Variants in LSM3 observed in about 807,000 individuals in gnomAD.
The protein encoded by LSM3 is U6 snRNA-associated Sm-like protein LSm3.
A neutral mutation model predicts 15.4 loss-of-function variants in LSM3; 14 were observed. The observed-to-expected ratio is 0.91, with a 90% confidence interval of 0.60 to 1.42. The LOEUF is 1.42. Among genes scored for constraint, LSM3 ranks in the 40% most tolerant of loss-of-function variants. LSM3 has a pLI of 0.00. For missense variants in LSM3, 88 were observed against 127.9 expected, an observed-to-expected ratio of 0.69 and a Z score of 1.50; for synonymous variants, 46 against 45.1, an observed-to-expected ratio of 1.02 and a Z score of -0.08.
intron 3 of LSM3, among the ~76,000 whole-genome samples, chr3:14,192,152 G>C (rs942432729): frequency 6.6e-6 from 1 of 152,176 alleles, no homozygotes; most frequent in Non-Finnish European, 1.5e-5. Flanking sequence ...GAGACAGTTT[G>C]TTATGATTTC....
Position 14,197,133 on chromosome 3 carries a change from T to C in LSM3, c.229-903T>C, listed in dbSNP as rs1184688947. Among the ~76,000 whole-genome samples, 13 of 152,368 alleles carry C rather than the reference T, an allele frequency of 8.5e-5. No homozygotes were observed. The East Asian group carries it at 2.1e-3, about 25-fold the overall frequency. On this transcript the variant is annotated intron_variant, in intron 3 of 3. Transcript: ENST00000306024. ...TTCTCAAAGCCTTTTTTCATACTTATTTCTGTAACTTGGGGTCTAAAAGCC... is the reference window on the plus strand; with the variant it reads ...TTCTCAAAGCCTTTTTTCATACTTACTTCTGTAACTTGGGGTCTAAAAGCC...
intron 1 of LSM3, among the ~76,000 whole-genome samples, chr3:14,180,821 CTTTTTTTTTTTTTTT>C (rs1164090236): frequency 4.5e-4 from 21 of 46,748 alleles, no homozygotes; most frequent in East Asian, 3.3e-3. Context: ...GCTTGCTTGC[CTTTTTTTTTTTTTTT>C]TTTTTTTTTT....
intron 1 of LSM3, 55 bp from the exon 2 acceptor site, chr3:14,181,505 T>C: frequency 8.8e-7 from 1 of 1,140,032 alleles, no homozygotes; most frequent in Non-Finnish European, 1.3e-6. Flanking sequence ...ATAGCAGTGA[T>C]TTAAGCACTA....
At chr3:14,180,179 T>G (rs1485237474) in intron 1 of LSM3, among the ~76,000 whole-genome samples, 1 of 152,166 alleles carries the variant, frequency 6.6e-6, no homozygotes, top group Admixed American at 6.5e-5. Flanking sequence ...AACCATCCCT[T>G]CCATGTGGGT....
chr3:14,197,071 T>G (rs1697193489), intron 3 of LSM3, among the ~76,000 whole-genome samples: 1 of 152,260 alleles, frequency 6.6e-6, no homozygotes, highest in Non-Finnish European at 1.5e-5. Context: ...GCCTCAGGGC[T>G]GAGTTTGTTT....
At chr3:14,184,736 G>A (rs1189825739) in intron 3 of LSM3, among the ~76,000 whole-genome samples, 5 of 146,786 alleles carry the variant, frequency 3.4e-5, no homozygotes, top group East Asian at 4.0e-4. Context: ...CAGCCTGGGC[G>A]ACAGAGCGAG....
chr3:14,185,485 T>C (rs1190957801), intron 3 of LSM3, among the ~76,000 whole-genome samples: 1 of 152,256 alleles, frequency 6.6e-6, no homozygotes, highest in East Asian at 1.9e-4. Context: ...CAAATCTCTT[T>C]AATGCCCCGC....
At chr3:14,185,436 C>A (rs545931046) in intron 3 of LSM3, among the ~76,000 whole-genome samples, 1 of 152,194 alleles carries the variant, frequency 6.6e-6, no homozygotes, top group African/African-American at 2.4e-5. Context: ...TTTTCTAAAA[C>A]AAAATTTTAA....
chr3:14,186,525 C>G (rs1697090781), intron 3 of LSM3, among the ~76,000 whole-genome samples: 1 of 151,774 alleles, frequency 6.6e-6, no homozygotes, highest in Non-Finnish European at 1.5e-5. Flanking sequence ...CTTTCCTCCT[C>G]TCTCTGACCA....
chr3:14,184,132 T>C, intron 3 of LSM3, 100 bp downstream of exon 3: 1 of 1,402,010 alleles, frequency 7.1e-7, no homozygotes, highest in Non-Finnish European at 9.4e-7. Flanking sequence ...TTTTGACACC[T>C]ACTTATGGAC....
At chr3:14,185,446 A>T (rs899434046) in intron 3 of LSM3, among the ~76,000 whole-genome samples, 4 of 152,226 alleles carry the variant, frequency 2.6e-5, no homozygotes, top group African/African-American at 7.2e-5. Flanking sequence ...CAAAATTTTA[A>T]TGAGGAATGT....
chr3:14,190,306 A>G lies in LSM3; in HGVS notation c.228+6274A>G, dbSNP rs1243868529. ...CTTTTTGGTTTCATATGAAGTTTAA[A>G]GTAGTTTTTTTCAATTCTGTGAAGA... On this transcript the variant is annotated intron_variant, in intron 3 of 3. Coordinates refer to ENST00000306024, the MANE Select transcript of LSM3 (RefSeq NM_014463.3). Among the ~76,000 whole-genome samples the G allele has an allele frequency of 3.9e-5, 6 of 152,298 alleles. No individual in the cohort carries two copies. In the East Asian group the frequency reaches 1.2e-3, roughly 29 times the overall value.
chr3:14,183,755 G>A (rs1697060967), intron 2 of LSM3, among the ~76,000 whole-genome samples, 182 bp from the exon 3 acceptor site: 2 of 152,212 alleles, frequency 1.3e-5, no homozygotes, highest in African/African-American at 4.8e-5. Context: ...GTAATCATTG[G>A]AAGTGACTTG....
Position 14,200,409 on chromosome 3 carries a change from G to T in LSM3, c.*2293G>T, listed in dbSNP as rs906078141. 2 of 152,300 alleles carry T rather than the reference G, an allele frequency of 1.3e-5. No individual in the cohort carries two copies. The highest frequency in any genetic ancestry group is 2.9e-5 in the Non-Finnish European group (2 of 68,120). The allele number at this position is 152,300 out of a possible 1,614,324, so 9.4% of individuals were successfully genotyped here. ...TGGTGCTGTCCACTGAGGGGTTATG[G>T]TGTGAGGGCCCCTGGGAGCCACGCC... On this transcript the variant is annotated 3_prime_UTR_variant, in exon 4 of 4. Coordinates refer to ENST00000306024, the MANE Select transcript of LSM3 (RefSeq NM_014463.3).
chr3:14,178,933 T>A (rs748049868), intron 1 of LSM3, 52 bp downstream of exon 1: 8 of 1,600,826 alleles, frequency 5.0e-6, no homozygotes, highest in Non-Finnish European at 6.8e-6. Context: ...ACTAGGCTGC[T>A]TTTTCCAGAC....
chr3:14,182,532 G>T (rs1697049714), intron 2 of LSM3, among the ~76,000 whole-genome samples: 1 of 151,950 alleles, frequency 6.6e-6, no homozygotes, highest in Non-Finnish European at 1.5e-5. Flanking sequence ...CAAAATATCT[G>T]TAGAATTGGT....
chr3:14,187,244 T>A (rs1182814926), intron 3 of LSM3, among the ~76,000 whole-genome samples: 2 of 152,178 alleles, frequency 1.3e-5, no homozygotes, highest in Non-Finnish European at 2.9e-5. Flanking sequence ...TAACAGAGTC[T>A]CAGTAGTTAC....
chr3:14,190,659 G>T (rs1697130962), intron 3 of LSM3, among the ~76,000 whole-genome samples: 1 of 152,212 alleles, frequency 6.6e-6, no homozygotes, highest in Non-Finnish European at 1.5e-5. Flanking sequence ...AGACTTCGCT[G>T]AAGTTGCCTA....
chr3:14,191,975 G>A (rs889543966), intron 3 of LSM3, among the ~76,000 whole-genome samples: 11 of 151,912 alleles, frequency 7.2e-5, no homozygotes, highest in South Asian at 2.1e-4. Flanking sequence ...ATTCTGGTAC[G>A]TTGTGTCTTC....
Sources: allele counts gnomAD v4.1 joint callset (sites outside exome capture counted in the v4.1 genomes callset), GRCh38; gene constraint gnomAD v4.1.1; transcripts MANE v1.5; gene names NCBI Gene and HGNC (gene_info 2026-07-23, HGNC 2026-07-21).